The following SBNO1 variants were observed in gnomAD, a reference collection of about 807,000 sequenced individuals.
SBNO1 encodes strawberry notch homolog 1.
In SBNO1, 23 loss-of-function variants were observed where a neutral mutation model predicts 173.6. The observed-to-expected ratio is 0.13, with a 90% CI of 0.10 to 0.19. SBNO1 has a LOEUF of 0.19. Among genes scored for constraint, SBNO1 ranks in the 10% least tolerant of loss-of-function variants. The pLI is 1.00. For synonymous variants in SBNO1, 632 were observed against 571.5 expected, an observed-to-expected ratio of 1.11 and a Z score of -1.51; for missense variants, 1,238 against 1,671.2, an observed-to-expected ratio of 0.74 and a Z score of 4.52.
chr12:123,296,503 T>A (rs1253595092), intron 31 of SBNO1, among the ~76,000 whole-genome samples: 6 of 152,036 alleles, frequency 3.9e-5, no homozygotes, highest in African/African-American at 1.4e-4. Flanking sequence ...AAGTCCTGCA[T>A]GTAGGATTGA....
chr12:123,322,706 GAC>G (rs1286820822), intron 16 of SBNO1, among the ~76,000 whole-genome samples: 1 of 147,008 alleles, frequency 6.8e-6, no homozygotes, highest in Non-Finnish European at 1.5e-5. Flanking sequence ...AGGAGTTTGA[GAC>G]CAGCCTGGCC....
At chr12:123,330,303 GA>G (rs944481235) in intron 9 of SBNO1, 115 bp downstream of exon 9, 1 of 667,286 alleles carries the variant, frequency 1.5e-6, no homozygotes, top group African/African-American at 1.8e-5. Flanking sequence ...GCTTTCTGTG[GA>G]GTAACATCAA....
chr12:123,350,272 G>A, intron 2 of SBNO1, 38 bp downstream of exon 2: 1 of 1,609,220 alleles, frequency 6.2e-7, no homozygotes. Flanking sequence ...ACTGTAAGCG[G>A]AAATCACTAA....
At chr12:123,312,784 C>A (rs1868753345) in intron 24 of SBNO1, among the ~76,000 whole-genome samples, 1 of 152,028 alleles carries the variant, frequency 6.6e-6, no homozygotes, top group Non-Finnish European at 1.5e-5. Flanking sequence ...GTATCCATCA[C>A]CCAGTTTAAA....
At chr12:123,344,900 C>G (rs1374877891) in intron 4 of SBNO1, among the ~76,000 whole-genome samples, 2 of 152,116 alleles carry the variant, frequency 1.3e-5, no homozygotes, top group Non-Finnish European at 2.9e-5. Flanking sequence ...GAATCAGATT[C>G]TGCTTTCAAA....
chr12:123,335,148 G>A (rs1413551959), intron 6 of SBNO1, among the ~76,000 whole-genome samples: 3 of 152,084 alleles, frequency 2.0e-5, no homozygotes, highest in Non-Finnish European at 2.9e-5. Context: ...CTAAGATTGC[G>A]CCACTGCCTG....
chr12:123,341,094 G>C lies in SBNO1; in HGVS notation c.551-6C>G, dbSNP rs376548231. 1 of 1,460,666 alleles carries C rather than the reference G, an allele frequency of 6.8e-7. No homozygotes were observed. Among genetic ancestry groups the C allele is most frequent in the African/African-American group, 1.5e-5 (1 of 68,858 alleles). The allele number at this position is 1,460,666 out of a possible 1,614,324, so 90.5% of individuals were successfully genotyped here. A position where few individuals can be genotyped will look rare whatever the true frequency, so the allele number is the denominator to read the frequency against. ...TGTACCATTGCTTACATCAGCTGAG[G>C]AGGAAAAAGTCAAATTACATTTAGA... On this transcript the variant is annotated splice_region_variant and splice_polypyrimidine_tract_variant and intron_variant, in intron 4 of 31. Transcript: ENST00000602398.
intron 9 of SBNO1, among the ~76,000 whole-genome samples, chr12:123,329,426 T>C (rs1008537721): frequency 6.7e-6 from 1 of 148,912 alleles, no homozygotes; most frequent in Non-Finnish European, 1.5e-5. Flanking sequence ...ACTTTTATCA[T>C]CACAAAAAAA....
intron 31 of SBNO1, 41 bp downstream of exon 31, chr12:123,297,936 AT>A: frequency 1.3e-6 from 2 of 1,592,838 alleles, no homozygotes; most frequent in Non-Finnish European, 1.7e-6. Context: ...GTCGGATCCG[AT>A]TTTTTCCTGC....
intron 24 of SBNO1, 147 bp downstream of exon 24, chr12:123,313,473 T>G: frequency 2.0e-6 from 1 of 499,866 alleles, no homozygotes; most frequent in East Asian, 3.0e-5. Flanking sequence ...TACAAGATAA[T>G]TATGTGTCCT....
chr12:123,344,126 A>C (rs937991793), intron 4 of SBNO1, among the ~76,000 whole-genome samples: 10 of 151,956 alleles, frequency 6.6e-5, no homozygotes, highest in African/African-American at 1.9e-4. Context: ...CTCATATAAG[A>C]AGCAGGCTTC....
rs2048519682 is a variant in SBNO1, at chr12:123,292,020, C to CTTT, written c.*3887_*3888insAAA. On this transcript the variant is annotated 3_prime_UTR_variant, in exon 32 of 32. Transcript: ENST00000602398. ...ATCAGACAACTGGCATTCAATGAGA[C>CTTT]ATTTTTTTTTTTTTTTGCAGTTTTT... The CTTT allele has an allele frequency of 3.5e-5, 3 of 85,376 alleles. No homozygotes were observed. Among genetic ancestry groups the CTTT allele is most frequent in the African/African-American group, 1.0e-4 (3 of 29,018 alleles). 5.3% of individuals were successfully genotyped at this position (85,376 alleles called of 1,614,324 possible).
chr12:123,313,343 A>G (rs1868858260), intron 24 of SBNO1, among the ~76,000 whole-genome samples: 1 of 151,826 alleles, frequency 6.6e-6, no homozygotes. Context: ...AAGTGATTTT[A>G]CTCAATGTAC....
At chr12:123,320,923 T>C (rs1315336462) in intron 17 of SBNO1, 57 bp from the exon 18 acceptor site, 26 of 1,331,648 alleles carry the variant, frequency 2.0e-5, no homozygotes, top group Non-Finnish European at 2.7e-5. Flanking sequence ...TACAGAATCT[T>C]CAAAGGAAAC....
chr12:123,348,174 C>T, intron 2 of SBNO1, 41 bp from the exon 3 acceptor site: 1 of 1,094,690 alleles, frequency 9.1e-7, no homozygotes, highest in Non-Finnish European at 1.4e-6. Context: ...AAAAGGACAG[C>T]AGTAAATTCT....
chr12:123,353,646 C>T (rs1018577291), intron 1 of SBNO1, among the ~76,000 whole-genome samples: 1 of 152,148 alleles, frequency 6.6e-6, no homozygotes, highest in African/African-American at 2.4e-5. Context: ...AATATAGACA[C>T]ATTTGACCAT....
intron 15 of SBNO1, among the ~76,000 whole-genome samples, chr12:123,324,716 T>G (rs1334755130): frequency 6.6e-6 from 1 of 152,210 alleles, no homozygotes; most frequent in African/African-American, 2.4e-5. Context: ...ATGTGGAGGT[T>G]AGGCAAACTA....
At chr12:123,327,868 A>T (rs747474878) in intron 11 of SBNO1, 24 bp downstream of exon 11, 73 of 1,583,242 alleles carry the variant, frequency 4.6e-5, no homozygotes, top group Non-Finnish European at 1.4e-5. Flanking sequence ...TACAATATAT[A>T]TTTTTAAATA....
chr12:123,347,144 T>C lies in SBNO1; in HGVS notation c.237+885A>G, dbSNP rs907880397. On this transcript the variant is annotated intron_variant, in intron 3 of 31. Transcript: ENST00000602398. The stretch of plus-strand genomic sequence containing the variant: ...CAAAGTAGGAGGTAAGGGTAGGATA[T>C]TGGGAAAGCGGCAAAAAGCAGAACT... 2.0e-5 allele frequency among the ~76,000 whole-genome samples: 3 copies of C among 151,330 alleles called. No homozygotes were observed. In the Admixed American group the frequency reaches 2.0e-4, roughly 10 times the overall value.
Sources: gnomAD v4.1 joint callset for allele counts (sites outside exome capture counted in the v4.1 genomes callset) on GRCh38, gnomAD v4.1.1 for gene constraint, MANE v1.5 for transcripts, NCBI Gene and HGNC (gene_info 2026-07-23, HGNC 2026-07-21) for gene names.